COL14A1: variants seen among roughly 807,000 people sequenced by gnomAD.
COL14A1 encodes collagen alpha-1(XIV) chain.
In COL14A1, 136 loss-of-function variants were observed where a neutral mutation model predicts 230.3. The observed-to-expected ratio is 0.59, with a 90% confidence interval of 0.51 to 0.68. The LOEUF (loss-of-function observed/expected upper bound fraction) is 0.68. COL14A1 is among the 30% of genes least tolerant of loss of function. COL14A1 has a pLI of 0.00. For synonymous variants in COL14A1, 792 were observed against 784.1 expected (o/e 1.01, Z -0.17); for missense variants, 1,976 against 2,215.8 (o/e 0.89, Z 2.17).
rs112495367 is a variant in COL14A1, at chr8:120,237,838, G to C, written c.2350-6041G>C. ...GTTGATGTTGATGCTATTGCTTCCT[G>C]TTTTTTAGTTTTCCTTCTAACAGTC... On this transcript the variant is annotated intron_variant, in intron 19 of 47. Transcript: ENST00000297848. Among the ~76,000 whole-genome samples, 571 of 152,264 alleles carry C rather than the reference G, an allele frequency of 3.8e-3. 1 individual carries two copies. The highest frequency in any genetic ancestry group is 6.1e-3 in the Non-Finnish European group (416 of 68,020).
chr8:120,298,597 T>TTATTTA (rs1554620765), intron 35 of COL14A1, among the ~76,000 whole-genome samples: 2 of 57,998 alleles, frequency 3.4e-5, no homozygotes, highest in African/African-American at 7.0e-5. Flanking sequence ...CCCATATATT[T>TTATTTA]TATATATATA....
chr8:120,190,483 A>G (rs1187492420), intron 5 of COL14A1, among the ~76,000 whole-genome samples: 3 of 151,964 alleles, frequency 2.0e-5, no homozygotes, highest in Non-Finnish European at 4.4e-5. Flanking sequence ...GAAGCTCTTT[A>G]GTTTAATTAG....
intron 19 of COL14A1, among the ~76,000 whole-genome samples, chr8:120,241,517 T>C (rs16893710): frequency 0.075 from 11,452 of 152,276 alleles, 985 homozygotes; most frequent in East Asian, 0.4. Flanking sequence ...TCACTGGTTA[T>C]ATTTCCATCC....
In COL14A1 at chr8:120,274,603, G is replaced by C. The variant is rs1190245757; in HGVS notation, c.3214-3508G>C. 8.6e-5 allele frequency among the ~76,000 whole-genome samples: 13 copies of C among 151,714 alleles called. No individual in the cohort carries two copies. The Admixed American group carries it at 8.6e-4, about 10-fold the overall frequency. ...TAAAGACTTCTCCAAAAGACTCCTA[G>C]ATTTGATAAACAAATTCAGTAAACT... On this transcript the variant is annotated intron_variant, in intron 26 of 47. Transcript: ENST00000297848.
intron 1 of COL14A1, among the ~76,000 whole-genome samples, chr8:120,127,758 G>A (rs147764212): frequency 4.6e-5 from 7 of 152,306 alleles, no homozygotes; most frequent in Non-Finnish European, 7.3e-5. Context: ...TGATACCACT[G>A]TAAAGCCACA....
At chr8:120,220,961 A>G (rs1817916800) in intron 14 of COL14A1, among the ~76,000 whole-genome samples, 1 of 152,222 alleles carries the variant, frequency 6.6e-6, no homozygotes, top group South Asian at 2.1e-4. Context: ...CGAGTGCTCT[A>G]AAGAGAATAT....
chr8:120,229,110 T>TTTTAC (rs1818184317), intron 18 of COL14A1, among the ~76,000 whole-genome samples: 1 of 148,530 alleles, frequency 6.7e-6, no homozygotes, highest in Non-Finnish European at 1.5e-5. Flanking sequence ...TTTTATTTTA[T>TTTTAC]TTTATTTATT....
intron 14 of COL14A1, among the ~76,000 whole-genome samples, chr8:120,221,390 G>A (rs1817929055): frequency 6.6e-6 from 1 of 151,920 alleles, no homozygotes; most frequent in Non-Finnish European, 1.5e-5. Flanking sequence ...AATCAGTTCT[G>A]GGACTAATCG....
At chr8:120,252,401 A>G (rs1241390452) in intron 22 of COL14A1, among the ~76,000 whole-genome samples, 1 of 152,170 alleles carries the variant, frequency 6.6e-6, no homozygotes, top group African/African-American at 2.4e-5. Context: ...TTTTAATCAC[A>G]TTTTAAAATA....
At chr8:120,190,104 G>C (rs967815596) in intron 5 of COL14A1, among the ~76,000 whole-genome samples, 1 of 151,486 alleles carries the variant, frequency 6.6e-6, no homozygotes, top group Non-Finnish European at 1.5e-5. Flanking sequence ...CCCACCAACA[G>C]TGTAAAAGTG....
intron 24 of COL14A1, among the ~76,000 whole-genome samples, chr8:120,266,013 G>C: frequency 6.6e-6 from 1 of 151,960 alleles, no homozygotes; most frequent in East Asian, 1.9e-4. Flanking sequence ...TTAGTGGAGG[G>C]TTTTCCTGAG....
chr8:120,294,401 A>G (rs1820461011), intron 34 of COL14A1, among the ~76,000 whole-genome samples: 1 of 150,142 alleles, frequency 6.7e-6, no homozygotes, highest in African/African-American at 2.5e-5. Context: ...GAGATTATGA[A>G]AAGTGAAAGT....
At chr8:120,260,708 A>G (rs1819295260) in intron 23 of COL14A1, among the ~76,000 whole-genome samples, 1 of 152,150 alleles carries the variant, frequency 6.6e-6, no homozygotes, top group African/African-American at 2.4e-5. Context: ...TGTGGTAAAA[A>G]CAACAACAAT....
chr8:120,195,541 C>T (rs768864899), intron 5 of COL14A1, among the ~76,000 whole-genome samples: 6 of 152,070 alleles, frequency 3.9e-5, no homozygotes, highest in South Asian at 2.1e-4. Context: ...AAGACATACT[C>T]GAGACTGGGT....
intron 5 of COL14A1, among the ~76,000 whole-genome samples, chr8:120,191,422 A>C (rs1163437087): frequency 2.0e-5 from 3 of 151,942 alleles, no homozygotes; most frequent in Admixed American, 6.6e-5. Flanking sequence ...GTTTGTTATA[A>C]TTTCTGTTCT....
intron 44 of COL14A1, among the ~76,000 whole-genome samples, chr8:120,344,487 T>C (rs1240490349): frequency 6.6e-6 from 1 of 152,114 alleles, no homozygotes; most frequent in East Asian, 1.9e-4. Context: ...AAAAAGCAAA[T>C]GAGGAAATGT....
chr8:120,208,913 C>T (rs1029415254), intron 11 of COL14A1, among the ~76,000 whole-genome samples: 42 of 152,130 alleles, frequency 2.8e-4, no homozygotes, highest in African/African-American at 9.4e-4. Context: ...AAAAAAAGAT[C>T]GAACATCTTA....
At chr8:120,141,453 G>C (rs2130433155) in intron 1 of COL14A1, among the ~76,000 whole-genome samples, 1 of 152,096 alleles carries the variant, frequency 6.6e-6, no homozygotes, top group South Asian at 2.1e-4. Context: ...GCTGAGGTGG[G>C]AGAATCACTT....
intron 45 of COL14A1, among the ~76,000 whole-genome samples, chr8:120,356,983 A>G (rs557163201): frequency 5.8e-5 from 8 of 137,422 alleles, no homozygotes; most frequent in Admixed American, 1.5e-4. Flanking sequence ...TCTTCTTTGC[A>G]TCATCTTTTA....
Sources: gnomAD v4.1 joint callset for allele counts (sites outside exome capture counted in the v4.1 genomes callset) on GRCh38, gnomAD v4.1.1 for gene constraint, MANE v1.5 for transcripts, NCBI Gene and HGNC (gene_info 2026-07-23, HGNC 2026-07-21) for gene names.